RAB18: variants seen among roughly 807,000 people sequenced by gnomAD.
The protein encoded by RAB18 is RAB18, member RAS oncogene family.
RAB18 carries 10 observed loss-of-function variants against 28.5 expected under a neutral mutation model. That is an observed-to-expected ratio of 0.35 (90% CI 0.22 to 0.60). The LOEUF is 0.60. RAB18 is among the 20% of genes least tolerant of loss of function. The pLI is 0.78. For synonymous variants in RAB18, 93 were observed against 86.9 expected (o/e 1.07, Z -0.39); for missense variants, 188 against 244.2 (o/e 0.77, Z 1.53).
intron 3 of RAB18, 135 bp from the exon 4 acceptor site, chr10:27,532,372 T>C (rs1564836480): frequency 3.3e-6 from 2 of 612,018 alleles, no homozygotes; most frequent in Non-Finnish European, 5.7e-6. Context: ...ACACATCTTA[T>C]TTAAGTTCCA....
chr10:27,524,449 C>G (rs1246924345), intron 2 of RAB18, among the ~76,000 whole-genome samples: 3 of 152,050 alleles, frequency 2.0e-5, no homozygotes, highest in Admixed American at 6.6e-5. Context: ...TTTCTTTGGC[C>G]TTTTTCATGA....
Position 27,533,757 on chromosome 10 carries a change from T to C in RAB18, c.282T>C (p.Asp94=). The C allele has an allele frequency of 6.2e-7, 1 of 1,613,584 alleles. No individual in the cohort carries two copies. The highest frequency in any genetic ancestry group is 8.5e-7 in the Non-Finnish European group (1 of 1,179,700). The change falls in exon 5 of 7, where the codon GAT becomes GAC. Residue 94 remains aspartate (D), a synonymous_variant. Transcript: ENST00000356940. ...CAGTTTATGATGTCACAAGAAGAGA[T>C]ACATTTGTTAAACTGGATAATTGGT... ...VILVYDVTRR[D]TFVKLDNWLN...
At chr10:27,535,070 GGA>G (rs1834865895) in intron 6 of RAB18, among the ~76,000 whole-genome samples, 1 of 152,142 alleles carries the variant, frequency 6.6e-6, no homozygotes, top group Non-Finnish European at 1.5e-5. Flanking sequence ...CATTATAAGG[GGA>G]GAGAGAATGA....
intron 3 of RAB18, 109 bp from the exon 4 acceptor site, chr10:27,532,398 C>T: frequency 4.0e-6 from 3 of 756,342 alleles, no homozygotes; most frequent in Non-Finnish European, 6.6e-6. Flanking sequence ...TTAATGAGCT[C>T]ATGCATTAAT....
Position 27,542,087 on chromosome 10 carries a change from C to T in RAB18, c.*4036C>T, listed in dbSNP as rs774523787. 7.1e-5 allele frequency: 32 copies of T among 453,868 alleles called. No homozygotes were observed. Among genetic ancestry groups the T allele is most frequent in the Non-Finnish European group, 1.2e-4 (28 of 226,774 alleles). 28.1% of individuals were successfully genotyped at this position (453,868 alleles called of 1,614,324 possible). A position where few individuals can be genotyped will look rare whatever the true frequency, so the allele number is the denominator to read the frequency against. On this transcript the variant is annotated 3_prime_UTR_variant, in exon 7 of 7. Coordinates refer to ENST00000356940, the MANE Select transcript of RAB18 (RefSeq NM_021252.5). ...TCTGAACTTGCTGCAGCTCGTTTTT[C>T]TAATATAAAGGAACCAGCCTGAGGC... is the stretch of plus-strand genomic sequence containing the variant.
chr10:27,534,580 C>A (rs1834855443), intron 6 of RAB18, among the ~76,000 whole-genome samples: 1 of 152,166 alleles, frequency 6.6e-6, no homozygotes, highest in Non-Finnish European at 1.5e-5. Flanking sequence ...CCATACGGCC[C>A]ACGAAGCCTA....
At chr10:27,505,172 C>T (rs370982625) in intron 1 of RAB18, 3 of 531,102 alleles carry the variant, frequency 5.6e-6, no homozygotes, top group Non-Finnish European at 7.7e-6. Flanking sequence ...ATAATATTGA[C>T]AGTGGAGTTG....
Position 27,541,245 on chromosome 10 carries a change from C to T in RAB18, c.*3194C>T. ...GTATACTCAACTATATAGACTTCAC[C>T]CTGGGTTTTGCCTAAACTGTTGAAA... On this transcript the variant is annotated 3_prime_UTR_variant, in exon 7 of 7. Coordinates refer to ENST00000356940, the MANE Select transcript of RAB18 (RefSeq NM_021252.5). 1 of 453,934 alleles carries T rather than the reference C, an allele frequency of 2.2e-6. No individual in the cohort carries two copies. The highest frequency in any genetic ancestry group is 4.4e-6 in the Non-Finnish European group (1 of 226,752). 28.1% of individuals were successfully genotyped at this position (453,934 alleles called of 1,614,324 possible). A position where few individuals can be genotyped will look rare whatever the true frequency, so the allele number is the denominator to read the frequency against.
chr10:27,530,771 A>G (rs1834772327), intron 3 of RAB18, among the ~76,000 whole-genome samples: 1 of 151,912 alleles, frequency 6.6e-6, no homozygotes, highest in African/African-American at 2.4e-5. Context: ...TGATATGCAT[A>G]GTAGTTACAT....
intron 2 of RAB18, among the ~76,000 whole-genome samples, chr10:27,522,125 A>G (rs1180550986): frequency 6.6e-6 from 1 of 152,210 alleles, no homozygotes; most frequent in African/African-American, 2.4e-5. Flanking sequence ...CAGTATTTTC[A>G]GTGGAGGGCT....
At chr10:27,534,104 T>C (rs1834845620) in intron 6 of RAB18, 110 bp downstream of exon 6, 2 of 1,054,048 alleles carry the variant, frequency 1.9e-6, no homozygotes, top group African/African-American at 3.1e-5. Context: ...TAGAGTATTG[T>C]TCCTAGTTGC....
rs76316001 is a variant in RAB18 at position 27,533,097 on chromosome 10, A to G, written c.259+518A>G. Among the ~76,000 whole-genome samples the G allele has an allele frequency of 1.8e-4, 28 of 152,166 alleles. No individual in the cohort carries two copies. The East Asian group carries it at 5.4e-3, about 29-fold the overall frequency. On this transcript the variant is annotated intron_variant, in intron 4 of 6. Coordinates refer to ENST00000356940, the MANE Select transcript of RAB18 (RefSeq NM_021252.5). ...TCCTGGGAAACTGTTTAAAATGAAT[A>G]TTGATCAATTGTATTAATAGGTAGA... is the stretch of plus-strand genomic sequence containing the variant.
chr10:27,537,519 T>C (rs764626525), intron 6 of RAB18, among the ~76,000 whole-genome samples: 3 of 152,180 alleles, frequency 2.0e-5, no homozygotes, highest in Non-Finnish European at 4.4e-5. Flanking sequence ...TATTTTAAAA[T>C]AGGAATAATA....
Position 27,507,282 on chromosome 10 carries a change from G to C in RAB18, c.69-2593G>C, listed in dbSNP as rs1462233043. ...GATTTCATAGTGTTAGAGTCTAAAG[G>C]GTATGTGATAGTAGTCAGGAGATCA... On this transcript the variant is annotated intron_variant, in intron 1 of 6. Transcript: ENST00000356940. Among the ~76,000 whole-genome samples the C allele has an allele frequency of 2.0e-5, 3 of 152,184 alleles. No homozygotes were observed. In the East Asian group the frequency reaches 5.8e-4, roughly 29 times the overall value.
At chr10:27,534,937 A>G (rs1834862713) in intron 6 of RAB18, among the ~76,000 whole-genome samples, 1 of 152,212 alleles carries the variant, frequency 6.6e-6, no homozygotes, top group South Asian at 2.1e-4. Flanking sequence ...TTTACCCAAT[A>G]TTTATTGAAC....
chr10:27,531,619 A>G (rs1430931874), intron 3 of RAB18: 10 of 817,468 alleles, frequency 1.2e-5, no homozygotes, highest in Non-Finnish European at 2.1e-5. Context: ...GCAATACGTA[A>G]GCAAATAGGC....
chr10:27,504,692 A>G (rs1405815412), intron 1 of RAB18: 2 of 718,470 alleles, frequency 2.8e-6, no homozygotes, highest in Non-Finnish European at 5.2e-6. Context: ...CGCCGAGAAA[A>G]CACCATTCCG....
At position 27,532,497 on chromosome 10, in the gene RAB18, T is replaced by A; in HGVS notation, c.187-10T>A. ...ACTTTGTTTAATTTAATAATAATGA[T>A]CATTTTTAGGATACTGCTGGTCAAG... On this transcript the variant is annotated splice_polypyrimidine_tract_variant and intron_variant, in intron 3 of 6. Coordinates refer to ENST00000356940, the MANE Select transcript of RAB18 (RefSeq NM_021252.5). The A allele has an allele frequency of 6.3e-7, 1 of 1,582,184 alleles. No individual in the cohort carries two copies. The highest frequency in any genetic ancestry group is 8.7e-7 in the Non-Finnish European group (1 of 1,152,678).
rs143177808 is a variant in RAB18 at position 27,532,762 on chromosome 10, G to A, written c.259+183G>A. On this transcript the variant is annotated intron_variant, in intron 4 of 6. Transcript: ENST00000356940. ...AAACTTTTGATTTTAGTCTTGTCTA[G>A]CACTTAAAAAATAGACAAGGCTAAT... 5.3e-5 allele frequency among the ~76,000 whole-genome samples: 8 copies of A among 152,018 alleles called. No individual in the cohort carries two copies. The East Asian group carries it at 1.5e-3, about 29-fold the overall frequency.
Sources: allele counts gnomAD v4.1 joint callset (sites outside exome capture counted in the v4.1 genomes callset), GRCh38; gene constraint gnomAD v4.1.1; transcripts MANE v1.5; gene names NCBI Gene and HGNC (gene_info 2026-07-23, HGNC 2026-07-21).